FOXO1: variants seen among roughly 807,000 people sequenced by gnomAD.
The protein encoded by FOXO1 is forkhead box protein O1.
In FOXO1, 6 loss-of-function variants were observed where a neutral mutation model predicts 44.1. That is an observed-to-expected ratio of 0.14 (90% CI 0.07 to 0.27). FOXO1 has a LOEUF of 0.27. FOXO1 is among the 10% of genes least tolerant of loss of function. The pLI is 1.00. For synonymous variants in FOXO1, 380 were observed against 362.7 expected (o/e 1.05, Z -0.54); for missense variants, 737 against 888.8 (o/e 0.83, Z 2.17).
Position 40,665,947 on chromosome 13 carries a change from G to C in FOXO1, c.266C>G (p.Ser89Cys), listed in dbSNP as rs1290983226. The change falls in exon 1 of 3, where the codon TCC (serine) becomes TGC (cysteine). Residue 89 changes from serine (S) to cysteine (C), a missense_variant. Transcript: ENST00000379561. ...CGCCGCCGCCACCGCCGCCGCCACG[G>C]AGCCGGGCGCCTGCGGGAAGTCCTC... ...ESEDFPQAPG[S>C]VAAAVAAAAA... 4 of 1,224,560 alleles carry C rather than the reference G, an allele frequency of 3.3e-6. No homozygotes were observed. The highest frequency in any genetic ancestry group is 8.7e-5 in the Admixed American group (2 of 23,006). The allele number at this position is 1,224,560 out of a possible 1,614,324, so 75.9% of individuals were successfully genotyped here.
chr13:40,593,168 C>G (rs1435793572), intron 1 of FOXO1, among the ~76,000 whole-genome samples: 9 of 152,082 alleles, frequency 5.9e-5, no homozygotes, highest in Admixed American at 5.9e-4. Context: ...GGACCATAGG[C>G]ACATGTCACC....
At chr13:40,616,309 A>G (rs1876421610) in intron 1 of FOXO1, among the ~76,000 whole-genome samples, 2 of 152,194 alleles carry the variant, frequency 1.3e-5, no homozygotes, top group South Asian at 4.1e-4. Flanking sequence ...CAAAAAAAGA[A>G]CACTGCACAC....
At chr13:40,564,452 T>TA (rs1033299114) in intron 1 of FOXO1, among the ~76,000 whole-genome samples, 1 of 152,206 alleles carries the variant, frequency 6.6e-6, no homozygotes, top group African/African-American at 2.4e-5. Flanking sequence ...ACTTGTTACA[T>TA]AAATTCCTGT....
In FOXO1 at chr13:40,619,514, A is replaced by G. The variant is rs529627236; in HGVS notation, c.630+46069T>C. On this transcript the variant is annotated intron_variant, in intron 1 of 2. Transcript: ENST00000379561. The stretch of plus-strand genomic sequence containing the variant: ...CGGTTTAGTTTGGAAATCCACATAA[A>G]TCATGAAAATAGAGGATCTGAAATT... 40 of 1,338,872 alleles carry G rather than the reference A, an allele frequency of 3.0e-5. No homozygotes were observed. In the South Asian group the frequency reaches 4.2e-4, roughly 14 times the overall value. The allele number at this position is 1,338,872 out of a possible 1,614,324, so 82.9% of individuals were successfully genotyped here.
chr13:40,573,252 T>C (rs1377817503), intron 1 of FOXO1, among the ~76,000 whole-genome samples: 1 of 152,180 alleles, frequency 6.6e-6, no homozygotes, highest in African/African-American at 2.4e-5. Context: ...TCACTGGCAC[T>C]CCACCAGATG....
At chr13:40,629,077 A>G (rs995601464) in intron 1 of FOXO1, among the ~76,000 whole-genome samples, 2 of 152,234 alleles carry the variant, frequency 1.3e-5, no homozygotes, top group Admixed American at 6.5e-5. Flanking sequence ...GGATTGAACT[A>G]GGATTGGATC....
intron 1 of FOXO1, among the ~76,000 whole-genome samples, chr13:40,628,055 A>G (rs1876843611): frequency 6.6e-6 from 1 of 152,190 alleles, no homozygotes; most frequent in Admixed American, 6.5e-5. Context: ...ACATGTATAC[A>G]TATATACATA....
At chr13:40,624,311 A>C in intron 1 of FOXO1, among the ~76,000 whole-genome samples, 1 of 109,390 alleles carries the variant, frequency 9.1e-6, no homozygotes, top group African/African-American at 3.9e-5. Context: ...AAAAACTAAT[A>C]CTGCTTAAAA....
Position 40,620,127 on chromosome 13 carries a change from C to G in FOXO1, c.630+45456G>C, listed in dbSNP as rs556103670. ...GAGAACACAGAGGTACTGCATATACCCCATTCTCTAATTCAAGACTTATGT... is the reference window on the plus strand; with the variant it reads ...GAGAACACAGAGGTACTGCATATACGCCATTCTCTAATTCAAGACTTATGT... On this transcript the variant is annotated intron_variant, in intron 1 of 2. Coordinates refer to ENST00000379561, the MANE Select transcript of FOXO1 (RefSeq NM_002015.4). The G allele has an allele frequency of 5.1e-4, 658 of 1,293,102 alleles. 10 individuals are homozygous for G. The South Asian group carries it at 7.6e-3, about 15-fold the overall frequency. The allele number at this position is 1,293,102 out of a possible 1,614,324, so 80.1% of individuals were successfully genotyped here. A position where few individuals can be genotyped will look rare whatever the true frequency, so the allele number is the denominator to read the frequency against.
intron 1 of FOXO1, among the ~76,000 whole-genome samples, chr13:40,657,072 C>A (rs940115562): frequency 6.6e-6 from 1 of 152,066 alleles, no homozygotes; most frequent in African/African-American, 2.4e-5. Flanking sequence ...TGACTTCGCA[C>A]TCAGAGAAAC....
At chr13:40,650,887 T>G (rs955927984) in intron 1 of FOXO1, among the ~76,000 whole-genome samples, 1 of 152,050 alleles carries the variant, frequency 6.6e-6, no homozygotes, top group Non-Finnish European at 1.5e-5. Context: ...CCCGAGTAGC[T>G]GGGACTACAG....
Position 40,559,725 on chromosome 13 carries a change from C to G in FOXO1, c.1766G>C (p.Arg589Thr). 1 of 1,613,836 alleles carries G rather than the reference C, an allele frequency of 6.2e-7. No homozygotes were observed. Among genetic ancestry groups the G allele is most frequent in the South Asian group, 1.1e-5 (1 of 91,042 alleles). Residue 589 changes from arginine to threonine, a missense_variant, in exon 2 of 3, where the codon AGA becomes ACA. Physicochemically the swap from Arg to Thr is moderately conservative, Grantham distance 71. Coordinates refer to ENST00000379561, the MANE Select transcript of FOXO1 (RefSeq NM_002015.4). ...SSVSSCNGYG[R>T]MGLLHQEKLP... Reference sequence around the variant, plus strand: ...CTTCTCCTGGTGGAGAAGGCCCATTCTGCCATAGCCATTGCAGCTGCTCAC... The same window carrying G: ...CTTCTCCTGGTGGAGAAGGCCCATTGTGCCATAGCCATTGCAGCTGCTCAC...
At chr13:40,574,450 G>A (rs1294516251) in intron 1 of FOXO1, among the ~76,000 whole-genome samples, 1 of 152,174 alleles carries the variant, frequency 6.6e-6, no homozygotes, top group Non-Finnish European at 1.5e-5. Context: ...ACATAAAACA[G>A]ATTATACATG....
At chr13:40,587,619 T>A (rs868613259) in intron 1 of FOXO1, among the ~76,000 whole-genome samples, 1 of 152,236 alleles carries the variant, frequency 6.6e-6, no homozygotes, top group South Asian at 2.1e-4. Context: ...ACAGTCCATC[T>A]ATACCTAAAG....
At chr13:40,615,469 T>C (rs374653065) in intron 1 of FOXO1, among the ~76,000 whole-genome samples, 1 of 151,798 alleles carries the variant, frequency 6.6e-6, no homozygotes, top group Non-Finnish European at 1.5e-5. Context: ...GAGGTGGAGG[T>C]TGCAGTGAGC....
rs1038058875 is a variant in FOXO1, at chr13:40,600,532, C to T, written c.631-39672G>A. Among the ~76,000 whole-genome samples the T allele has an allele frequency of 3.3e-5, 5 of 152,340 alleles. No homozygotes were observed. The East Asian group carries it at 5.8e-4, about 18-fold the overall frequency. ...AAAATTTAAAGACGCCCTTTCTCAA[C>T]TCCAACTACTGCAAATGCTGAGTCA... On this transcript the variant is annotated intron_variant, in intron 1 of 2. Transcript: ENST00000379561.
In FOXO1 at chr13:40,622,461, C is replaced by G. The variant is rs367757307; in HGVS notation, c.630+43122G>C. On this transcript the variant is annotated intron_variant, in intron 1 of 2. Transcript: ENST00000379561. Reference sequence around the variant, plus strand: ...CTTACAGAGATGTTTATTTAACCACCACCACTACCTTCAGGTGAACTGGCT... The same window carrying G: ...CTTACAGAGATGTTTATTTAACCACGACCACTACCTTCAGGTGAACTGGCT... 2.9e-4 allele frequency among the ~76,000 whole-genome samples: 44 copies of G among 152,292 alleles called. 1 individual carries two copies. In the East Asian group the frequency reaches 6.4e-3, roughly 22 times the overall value.
chr13:40,614,532 C>G (rs988082812), intron 1 of FOXO1, among the ~76,000 whole-genome samples: 1 of 152,118 alleles, frequency 6.6e-6, no homozygotes, highest in Non-Finnish European at 1.5e-5. Context: ...GAGGGGACAG[C>G]AAATCTTCAC....
At position 40,666,364 on chromosome 13, in the gene FOXO1, G is replaced by A; in HGVS notation, c.-152C>T. The A allele has an allele frequency of 1.8e-6, 1 of 568,590 alleles. No homozygotes were observed. The highest frequency in any genetic ancestry group is 3.1e-5 in the South Asian group (1 of 31,928). 35.2% of individuals were successfully genotyped at this position (568,590 alleles called of 1,614,324 possible). Reference sequence around the variant, plus strand: ...CGGACGGAAACTGGGAGGAAGGCGCGGCGGAGTGGAAGCGCGAGCCCAGAA... The same window carrying A: ...CGGACGGAAACTGGGAGGAAGGCGCAGCGGAGTGGAAGCGCGAGCCCAGAA... On this transcript the variant is annotated 5_prime_UTR_variant, in exon 1 of 3. Coordinates refer to ENST00000379561, the MANE Select transcript of FOXO1 (RefSeq NM_002015.4).
Sources: allele counts gnomAD v4.1 joint callset (sites outside exome capture counted in the v4.1 genomes callset), GRCh38; gene constraint gnomAD v4.1.1; transcripts MANE v1.5; gene names NCBI Gene and HGNC (gene_info 2026-07-23, HGNC 2026-07-21).